ASTN2: variants seen among roughly 807,000 people sequenced by gnomAD.
ASTN2 encodes astrotactin 2, also known as astrotactin-2.
Under a neutral mutation model 139.8 loss-of-function variants are expected in ASTN2, and 54 were observed. The ratio of observed to expected loss-of-function variants is 0.39; its 90% CI spans 0.31 to 0.48. ASTN2 has a LOEUF of 0.48. ASTN2 is among the 20% of genes least tolerant of loss of function. ASTN2 has a pLI of 0.95. For missense variants in ASTN2, 1,565 were observed against 1,725.1 expected, an observed-to-expected ratio of 0.91 and a Z score of 1.64; for synonymous variants, 756 against 719.5, an observed-to-expected ratio of 1.05 and a Z score of -0.81.
chr9:117,167,781 A>T (rs1039183266), intron 3 of ASTN2, among the ~76,000 whole-genome samples: 13 of 152,146 alleles, frequency 8.5e-5, no homozygotes, highest in African/African-American at 2.9e-4. Context: ...AATGCCATGC[A>T]CTGCACTGGA....
chr9:117,394,476 T>C (rs764685900), intron 1 of ASTN2, among the ~76,000 whole-genome samples: 5 of 152,172 alleles, frequency 3.3e-5, no homozygotes, highest in Admixed American at 6.5e-5. Flanking sequence ...GACATCAATA[T>C]ATCAATATAA....
At chr9:117,384,094 G>C (rs141520691) in intron 1 of ASTN2, among the ~76,000 whole-genome samples, 1 of 152,198 alleles carries the variant, frequency 6.6e-6, no homozygotes, top group Non-Finnish European at 1.5e-5. Flanking sequence ...AATATCGGTA[G>C]AGCAGCTCAA....
chr9:117,060,442 GAGAA>G (rs751635444), intron 5 of ASTN2, among the ~76,000 whole-genome samples: 18 of 54,004 alleles, frequency 3.3e-4, no homozygotes, highest in African/African-American at 1.2e-3. Context: ...AAGAGAGAGA[GAGAA>G]AGAAAGAAAG....
chr9:116,786,520 C>T (rs1336371680), intron 13 of ASTN2, among the ~76,000 whole-genome samples: 4 of 152,094 alleles, frequency 2.6e-5, no homozygotes, highest in Non-Finnish European at 1.5e-5. Context: ...ACTCTTATTA[C>T]TACAATCACT....
intron 6 of ASTN2, among the ~76,000 whole-genome samples, chr9:117,034,398 C>A (rs1404826857): frequency 2.0e-5 from 3 of 152,136 alleles, no homozygotes; most frequent in African/African-American, 7.2e-5. Flanking sequence ...AGACCACTCA[C>A]ATTATATCCA....
chr9:117,167,691 GCTCTGAACAAGGAAGACATTGACTCTAAT>G (rs1270620852), intron 3 of ASTN2, among the ~76,000 whole-genome samples: 1 of 152,026 alleles, frequency 6.6e-6, no homozygotes, highest in Non-Finnish European at 1.5e-5. Flanking sequence ...GATAAACCAG[GCTCTGAACAAGGAAGACATTGACTCTAAT>G]CTCAAGAACT....
intron 5 of ASTN2, among the ~76,000 whole-genome samples, chr9:117,079,010 A>T (rs548481582): frequency 7.9e-5 from 12 of 152,268 alleles, no homozygotes; most frequent in African/African-American, 2.9e-4. Context: ...TGCTGAGATT[A>T]CAGGCTTGAG....
chr9:117,060,593 A>C (rs117180886), intron 5 of ASTN2, among the ~76,000 whole-genome samples: 7 of 117,686 alleles, frequency 5.9e-5, no homozygotes, highest in South Asian at 3.3e-4. Flanking sequence ...GGCAGGAAGG[A>C]AGGAAGGAAG....
intron 7 of ASTN2, among the ~76,000 whole-genome samples, chr9:116,992,240 A>G (rs891628216): frequency 2.6e-5 from 4 of 152,168 alleles, no homozygotes; most frequent in Non-Finnish European, 5.9e-5. Flanking sequence ...TTACTGAATT[A>G]CTAAATGAAC....
chr9:116,839,758 C>T (rs1372915063), intron 11 of ASTN2, among the ~76,000 whole-genome samples: 6 of 151,792 alleles, frequency 4.0e-5, no homozygotes, highest in Non-Finnish European at 4.4e-5. Flanking sequence ...GCAACCTCCA[C>T]CTCCTGGGAT....
intron 1 of ASTN2, among the ~76,000 whole-genome samples, chr9:117,390,966 G>A (rs902802220): frequency 6.6e-6 from 1 of 152,130 alleles, no homozygotes; most frequent in Non-Finnish European, 1.5e-5. Flanking sequence ...TAGATCCCAG[G>A]TCCTGGTATT....
At chr9:117,284,201 C>A (rs1204707300) in intron 2 of ASTN2, among the ~76,000 whole-genome samples, 1 of 152,008 alleles carries the variant, frequency 6.6e-6, no homozygotes, top group African/African-American at 2.4e-5. Flanking sequence ...TCTCCCAGAC[C>A]CAAGCGATCC....
At chr9:117,315,800 C>T (rs1828125088) in intron 1 of ASTN2, among the ~76,000 whole-genome samples, 1 of 152,158 alleles carries the variant, frequency 6.6e-6, no homozygotes, top group Non-Finnish European at 1.5e-5. Flanking sequence ...AAAGTGGGAG[C>T]ACTCCACAAT....
intron 14 of ASTN2, among the ~76,000 whole-genome samples, chr9:116,732,551 C>T (rs991537493): frequency 6.6e-6 from 1 of 152,214 alleles, no homozygotes; most frequent in African/African-American, 2.4e-5. Flanking sequence ...GACTATTCTC[C>T]CTGGGCAGTG....
intron 5 of ASTN2, among the ~76,000 whole-genome samples, chr9:117,071,432 T>C (rs1313871020): frequency 2.6e-5 from 4 of 151,392 alleles, no homozygotes; most frequent in Non-Finnish European, 4.4e-5. Flanking sequence ...GACAGGGACA[T>C]TTAAGTCTGC....
intron 10 of ASTN2, among the ~76,000 whole-genome samples, chr9:116,970,657 C>T (rs1295055337): frequency 6.6e-6 from 1 of 152,134 alleles, no homozygotes; most frequent in African/African-American, 2.4e-5. Context: ...AATTGAAAGG[C>T]CAAAAGAACA....
intron 16 of ASTN2, among the ~76,000 whole-genome samples, chr9:116,709,873 G>A (rs1333005663): frequency 2.0e-5 from 3 of 152,086 alleles, no homozygotes; most frequent in Non-Finnish European, 4.4e-5. Context: ...CAGGCTGCAG[G>A]CCTCATAGAA....
chr9:117,188,384 T>C (rs1232871164), intron 3 of ASTN2, among the ~76,000 whole-genome samples: 1 of 152,148 alleles, frequency 6.6e-6, no homozygotes, highest in African/African-American at 2.4e-5. Flanking sequence ...TGCCTGCGTA[T>C]ATTAATACTG....
intron 13 of ASTN2, among the ~76,000 whole-genome samples, chr9:116,794,895 A>G (rs977561571): frequency 5.9e-5 from 9 of 152,298 alleles, no homozygotes; most frequent in Admixed American, 2.0e-4. Context: ...GTTAAGCTTT[A>G]TGCTGTTTGA....
Sources: allele counts gnomAD v4.1 joint callset (sites outside exome capture counted in the v4.1 genomes callset), GRCh38; gene constraint gnomAD v4.1.1; transcripts MANE v1.5; gene names NCBI Gene and HGNC (gene_info 2026-07-23, HGNC 2026-07-21).